Variants in ZNF804A observed in about 807,000 individuals in gnomAD.
ZNF804A encodes zinc finger protein 804A.
Under a neutral mutation model 16.5 loss-of-function variants are expected in ZNF804A, and 2 were observed. The observed-to-expected ratio is 0.12, with a 90% confidence interval of 0.05 to 0.38. The LOEUF (loss-of-function observed/expected upper bound fraction) is 0.38, where lower values mean the gene tolerates loss of function less well. Among genes scored for constraint, ZNF804A ranks in the 10% least tolerant of loss-of-function variants. ZNF804A has a pLI of 0.99. For synonymous variants in ZNF804A, 534 were observed against 489.6 expected (o/e 1.09, Z -1.20); for missense variants, 1,473 against 1,390.7 (o/e 1.06, Z -0.94).
chr2:184,842,881 G>T (rs1695458572), intron 1 of ZNF804A, among the ~76,000 whole-genome samples: 1 of 152,126 alleles, frequency 6.6e-6, no homozygotes, highest in Non-Finnish European at 1.5e-5. Flanking sequence ...TAGAAGAGGA[G>T]GATAATTCAG....
At chr2:184,845,652 C>T (rs1695500202) in intron 1 of ZNF804A, among the ~76,000 whole-genome samples, 1 of 152,106 alleles carries the variant, frequency 6.6e-6, no homozygotes, top group South Asian at 2.1e-4. Flanking sequence ...ATAGAGAAGG[C>T]TATTGGCTTA....
At chr2:184,696,099 G>A (rs541133701) in intron 1 of ZNF804A, among the ~76,000 whole-genome samples, 9 of 152,250 alleles carry the variant, frequency 5.9e-5, no homozygotes, top group Admixed American at 1.3e-4. Flanking sequence ...CGGAGACACT[G>A]CAGCTCTTAG....
At chr2:184,788,817 T>G (rs1047523421) in intron 1 of ZNF804A, among the ~76,000 whole-genome samples, 1 of 152,006 alleles carries the variant, frequency 6.6e-6, no homozygotes, top group Non-Finnish European at 1.5e-5. Flanking sequence ...TTTGGATGCA[T>G]TTAATGTTTT....
intron 1 of ZNF804A, among the ~76,000 whole-genome samples, chr2:184,688,804 T>C (rs147585485): frequency 1.1e-4 from 16 of 152,276 alleles, no homozygotes; most frequent in Non-Finnish European, 1.6e-4. Flanking sequence ...CCCTAAAACC[T>C]ATTTTTAAAA....
At chr2:184,796,476 T>G (rs1025156708) in intron 1 of ZNF804A, among the ~76,000 whole-genome samples, 1 of 152,178 alleles carries the variant, frequency 6.6e-6, no homozygotes, top group Non-Finnish European at 1.5e-5. Context: ...TTCCAGGAAT[T>G]TATCCATCTC....
At chr2:184,738,100 C>T (rs577030162) in intron 1 of ZNF804A, among the ~76,000 whole-genome samples, 3 of 147,470 alleles carry the variant, frequency 2.0e-5, no homozygotes, top group African/African-American at 5.1e-5. Flanking sequence ...CACTCCAGCC[C>T]GGGCAACAAG....
chr2:184,856,994 AC>A (rs1286622916), intron 1 of ZNF804A, among the ~76,000 whole-genome samples: 1 of 152,012 alleles, frequency 6.6e-6, no homozygotes, highest in Non-Finnish European at 1.5e-5. Context: ...TCTGGTCTTT[AC>A]TATTTCGTTC....
intron 1 of ZNF804A, among the ~76,000 whole-genome samples, chr2:184,818,483 GAAGCA>G (rs1695018986): frequency 2.6e-5 from 4 of 152,020 alleles, no homozygotes; most frequent in African/African-American, 9.7e-5. Context: ...ATGACACTAT[GAAGCA>G]ACCACATAAA....
intron 1 of ZNF804A, among the ~76,000 whole-genome samples, chr2:184,641,204 G>A (rs1184740605): frequency 6.6e-6 from 1 of 152,046 alleles, no homozygotes; most frequent in African/African-American, 2.4e-5. Context: ...GCCCACCTCG[G>A]CTTCCCAAAG....
At chr2:184,645,185 T>A (rs997567434) in intron 1 of ZNF804A, among the ~76,000 whole-genome samples, 4 of 152,118 alleles carry the variant, frequency 2.6e-5, no homozygotes, top group African/African-American at 9.7e-5. Context: ...ATTTCTATAG[T>A]TTCATTTGTA....
intron 1 of ZNF804A, among the ~76,000 whole-genome samples, chr2:184,730,011 TAAA>T (rs1158315839): frequency 7.9e-5 from 12 of 152,114 alleles, no homozygotes; most frequent in African/African-American, 2.9e-4. Context: ...ATATGACCAA[TAAA>T]TGGTAACTAC....
chr2:184,894,609 A>G (rs1449172825), intron 2 of ZNF804A, among the ~76,000 whole-genome samples: 1 of 152,070 alleles, frequency 6.6e-6, no homozygotes, highest in Non-Finnish European at 1.5e-5. Context: ...ATATATTACT[A>G]TATTGATAAA....
In ZNF804A at chr2:184,897,317, GT is replaced by G. The variant is rs962990482; in HGVS notation, c.255+30812del. On this transcript the variant is annotated intron_variant, in intron 2 of 3. Transcript: ENST00000302277. ...AAGTAGTGTGTCAGGATTCCCCAGT[GT>G]TTTTTTCCCCTTTCCATACAGCAAT... is the stretch of plus-strand genomic sequence containing the variant. Among the ~76,000 whole-genome samples, 35 of 151,834 alleles carry G rather than the reference GT, an allele frequency of 2.3e-4. 1 individual carries two copies. The highest frequency in any genetic ancestry group is 2.0e-3 in the Admixed American group (31 of 15,242).
intron 2 of ZNF804A, among the ~76,000 whole-genome samples, chr2:184,922,906 A>G (rs1685552486): frequency 6.6e-6 from 1 of 151,978 alleles, no homozygotes; most frequent in Non-Finnish European, 1.5e-5. Context: ...TCCCCATTCT[A>G]TTCCATTGGT....
intron 1 of ZNF804A, among the ~76,000 whole-genome samples, chr2:184,787,122 T>A (rs112890342): frequency 0.015 from 2,213 of 152,052 alleles, 59 homozygotes; most frequent in African/African-American, 0.05. Flanking sequence ...TACTGTATTC[T>A]CTTCTGGAAT....
intron 1 of ZNF804A, among the ~76,000 whole-genome samples, chr2:184,787,174 C>T (rs1006905076): frequency 2.0e-5 from 3 of 151,962 alleles, no homozygotes; most frequent in African/African-American, 2.4e-5. Flanking sequence ...CATTCTTACA[C>T]TTTGTTTAGC....
intron 1 of ZNF804A, among the ~76,000 whole-genome samples, chr2:184,695,350 A>G (rs1692813956): frequency 6.6e-6 from 1 of 151,068 alleles, no homozygotes; most frequent in African/African-American, 2.4e-5. Context: ...AGTCCCAGCT[A>G]CTCGGGAGGC....
chr2:184,677,937 T>C (rs1435226545), intron 1 of ZNF804A, among the ~76,000 whole-genome samples: 2 of 152,030 alleles, frequency 1.3e-5, no homozygotes, highest in Non-Finnish European at 2.9e-5. Flanking sequence ...TAATGTTAAA[T>C]AATTTACACT....
chr2:184,673,932 G>A (rs1559123102), intron 1 of ZNF804A, among the ~76,000 whole-genome samples: 1 of 152,052 alleles, frequency 6.6e-6, no homozygotes, highest in Non-Finnish European at 1.5e-5. Flanking sequence ...AAAATCAATA[G>A]TTTGACTTTG....
Sources: allele counts gnomAD v4.1 joint callset (sites outside exome capture counted in the v4.1 genomes callset), GRCh38; gene constraint gnomAD v4.1.1; transcripts MANE v1.5; gene names NCBI Gene and HGNC (gene_info 2026-07-23, HGNC 2026-07-21).